LINGO2: variants seen among roughly 807,000 people sequenced by gnomAD.
The protein encoded by LINGO2 is leucine rich repeat and Ig domain containing 2.
A neutral mutation model predicts 30.6 loss-of-function variants in LINGO2; 14 were observed. That is an observed-to-expected ratio of 0.46 (90% confidence interval 0.30 to 0.72). The LOEUF (loss-of-function observed/expected upper bound fraction) is 0.72, where lower values mean the gene tolerates loss of function less well. Ranked by LOEUF, LINGO2 falls within the 30% of genes least tolerant of loss-of-function variation. The pLI, the probability that LINGO2 is intolerant of heterozygous loss-of-function variation, is 0.07. For missense variants in LINGO2, 729 were observed against 751.7 expected (o/e 0.97, Z 0.35); for synonymous variants, 317 against 288.5 (o/e 1.10, Z -1.00).
chr9:28,083,327 C>A (rs1412075944), intron 4 of LINGO2, among the ~76,000 whole-genome samples: 5 of 152,156 alleles, frequency 3.3e-5, no homozygotes, highest in African/African-American at 1.2e-4. Context: ...AAGGAGTGAT[C>A]AGTCTTCTCA....
the LINGO2 span, among the ~76,000 whole-genome samples, chr9:29,166,830 C>G: frequency 6.6e-6 from 1 of 152,012 alleles, no homozygotes; most frequent in Non-Finnish European, 1.5e-5. Flanking sequence ...CTTGTCAGCA[C>G]CTCAAAATTC....
the LINGO2 span, among the ~76,000 whole-genome samples, chr9:28,693,479 T>C: frequency 1.3e-5 from 2 of 152,190 alleles, no homozygotes; most frequent in African/African-American, 2.4e-5. Flanking sequence ...GATACATCAA[T>C]AGACCATAAA....
chr9:28,139,298 AAC>A (rs1827609089), intron 4 of LINGO2, among the ~76,000 whole-genome samples: 1 of 152,240 alleles, frequency 6.6e-6, no homozygotes, highest in Non-Finnish European at 1.5e-5. Context: ...AGCTGTTTAA[AAC>A]ACAGTTTACA....
At chr9:29,052,434 C>A in the LINGO2 span, among the ~76,000 whole-genome samples, 1 of 152,030 alleles carries the variant, frequency 6.6e-6, no homozygotes, top group Non-Finnish European at 1.5e-5. Flanking sequence ...ATAAGCATCT[C>A]CAAGGGCAGG....
chr9:28,232,225 C>A (rs1228885814), intron 4 of LINGO2, among the ~76,000 whole-genome samples: 1 of 151,846 alleles, frequency 6.6e-6, no homozygotes, highest in African/African-American at 2.4e-5. Context: ...ATGATGAAAC[C>A]TTGTCTCTAC....
At chr9:28,482,928 C>T (rs376565170) in intron 1 of LINGO2, among the ~76,000 whole-genome samples, 153 of 152,084 alleles carry the variant, frequency 1.0e-3, no homozygotes, top group African/African-American at 2.8e-3. Flanking sequence ...TCAGGACATA[C>T]GCATAGACAC....
chr9:28,532,087 A>G (rs1218921923), intron 1 of LINGO2, among the ~76,000 whole-genome samples: 2 of 152,146 alleles, frequency 1.3e-5, no homozygotes, highest in Admixed American at 6.6e-5. Flanking sequence ...GTAACAAGAT[A>G]ACTGAACTGA....
chr9:28,895,976 A>T, the LINGO2 span, among the ~76,000 whole-genome samples: 3 of 152,166 alleles, frequency 2.0e-5, no homozygotes, highest in African/African-American at 7.2e-5. Context: ...GAAACTATCA[A>T]CATAAAGCAC....
intron 4 of LINGO2, among the ~76,000 whole-genome samples, chr9:28,232,471 C>G (rs934806780): frequency 1.3e-5 from 2 of 148,334 alleles, no homozygotes; most frequent in Non-Finnish European, 3.0e-5. Context: ...TCTCCCAGAG[C>G]TTATTAAGGT....
the LINGO2 span, among the ~76,000 whole-genome samples, chr9:28,745,828 CCTATA>C: frequency 7.9e-5 from 12 of 151,948 alleles, no homozygotes; most frequent in African/African-American, 2.7e-4. Context: ...TGTCCTGATT[CCTATA>C]CTATATCATT....
chr9:29,094,454 C>T, the LINGO2 span, among the ~76,000 whole-genome samples: 1 of 138,966 alleles, frequency 7.2e-6, no homozygotes, highest in African/African-American at 2.7e-5. Flanking sequence ...ATAAACAATT[C>T]ATCTAACTCA....
chr9:27,993,710 C>T (rs1821510735), intron 5 of LINGO2, among the ~76,000 whole-genome samples: 1 of 152,070 alleles, frequency 6.6e-6, no homozygotes, highest in Non-Finnish European at 1.5e-5. Flanking sequence ...TGCTAGTCTT[C>T]ACTACTTTAA....
intron 1 of LINGO2, among the ~76,000 whole-genome samples, chr9:28,659,184 G>A (rs939308476): frequency 6.6e-6 from 1 of 151,962 alleles, no homozygotes; most frequent in Non-Finnish European, 1.5e-5. Flanking sequence ...TGGGTTTCCA[G>A]AAGAAAAGAA....
At chr9:28,054,780 G>A (rs1037856738) in intron 4 of LINGO2, among the ~76,000 whole-genome samples, 2 of 151,370 alleles carry the variant, frequency 1.3e-5, no homozygotes, top group Non-Finnish European at 2.9e-5. Context: ...CATATTCCAG[G>A]CTATAACTTA....
Position 28,147,593 on chromosome 9 carries a change from C to A in LINGO2, c.-86-135188G>T, listed in dbSNP as rs1304787679. 6.6e-6 allele frequency among the ~76,000 whole-genome samples: 1 copy of A among 152,088 alleles called. No homozygotes were observed. The highest frequency in any genetic ancestry group is 1.5e-5 in the Non-Finnish European group (1 of 68,012). ...GGTTCTGGCCCTGTAACCCGGGGGA[C>A]AGGGCCGGCCAAGACAGGGCCACTG... is the stretch of plus-strand genomic sequence containing the variant. On this transcript the variant is annotated intron_variant, in intron 4 of 5. Transcript: ENST00000379992. The surrounding 1 kb of genome is among the most constrained non-coding windows in gnomAD (Gnocchi z 4.7).
At chr9:28,805,062 T>C in the LINGO2 span, among the ~76,000 whole-genome samples, 1 of 152,240 alleles carries the variant, frequency 6.6e-6, no homozygotes, top group East Asian at 1.9e-4. Context: ...TCAACACTGG[T>C]CCCAAGTCTA....
At chr9:27,959,691 G>T (rs10124328) in intron 5 of LINGO2, among the ~76,000 whole-genome samples, 1 of 152,052 alleles carries the variant, frequency 6.6e-6, no homozygotes, top group Admixed American at 6.5e-5. Flanking sequence ...TTGGACCAGC[G>T]TATGATCAAT....
intron 1 of LINGO2, among the ~76,000 whole-genome samples, chr9:28,486,340 A>T (rs902591630): frequency 3.9e-5 from 6 of 152,188 alleles, no homozygotes; most frequent in Non-Finnish European, 8.8e-5. Flanking sequence ...TATGTTTGGC[A>T]ATTTGTGTGT....
At chr9:28,376,241 G>C (rs1438877185) in intron 2 of LINGO2, among the ~76,000 whole-genome samples, 1 of 151,342 alleles carries the variant, frequency 6.6e-6, no homozygotes, top group African/African-American at 2.4e-5. Context: ...GAGAATTTTA[G>C]AATGGGTAGG....
Sources: allele counts gnomAD v4.1 joint callset (sites outside exome capture counted in the v4.1 genomes callset), GRCh38; gene constraint gnomAD v4.1.1; non-coding constraint Gnocchi (gnomAD v3.1); transcripts MANE v1.5; gene names NCBI Gene and HGNC (gene_info 2026-07-23, HGNC 2026-07-21).